MMP25: variants seen among roughly 807,000 people sequenced by gnomAD.
The protein encoded by MMP25 is matrix metallopeptidase 25, also known as matrix metalloproteinase-25.
Under a neutral mutation model 62.1 loss-of-function variants are expected in MMP25, and 68 were observed. That is an observed-to-expected ratio of 1.10 (90% confidence interval 0.90 to 1.34). The LOEUF (loss-of-function observed/expected upper bound fraction) is 1.34, where lower values mean the gene tolerates loss of function less well. Ranked by LOEUF, MMP25 falls within the 40% of genes most tolerant of loss-of-function variation. MMP25 has a pLI of 0.00. For missense variants in MMP25, 942 were observed against 792.5 expected (o/e 1.19, Z -2.26); for synonymous variants, 407 against 345.6 (o/e 1.18, Z -1.97).
chr16:3,050,124 G>T lies in MMP25; in HGVS notation c.348G>T (p.Lys116Asn). The change falls in exon 3 of 10, where the codon AAG (lysine) becomes AAT (asparagine). Residue 116 changes from lysine (K) to asparagine (N), a missense_variant. Physicochemically the swap from Lys to Asn is moderately conservative, Grantham distance 94 (BLOSUM62 0). Coordinates refer to ENST00000336577, the MANE Select transcript of MMP25 (RefSeq NM_022468.5). ...ACGCTCTGAGCGGCAGCGTGTGGAA[G>T]AAGCGAACCCTGACATGGAGGTAGG... ...RRYALSGSVW[K>N]KRTLTWRVRS... 1 of 1,607,614 alleles carries T rather than the reference G, an allele frequency of 6.2e-7. No homozygotes were observed. Among genetic ancestry groups the T allele is most frequent in the Non-Finnish European group, 8.5e-7 (1 of 1,175,778 alleles).
Position 3,046,957 on chromosome 16 carries a change from C to T in MMP25, c.40C>T (p.Leu14=). The T allele has an allele frequency of 6.8e-7, 1 of 1,473,106 alleles. No homozygotes were observed. The highest frequency in any genetic ancestry group is 8.9e-7 in the Non-Finnish European group (1 of 1,120,402). 91.3% of individuals were successfully genotyped at this position (1,473,106 alleles called of 1,614,324 possible). The change falls in exon 1 of 10, where the codon CTG becomes TTG. Residue 14 remains leucine (L), a synonymous_variant. Coordinates refer to ENST00000336577, the MANE Select transcript of MMP25 (RefSeq NM_022468.5). The stretch of plus-strand genomic sequence containing the variant: ...CCGGCTTCTGGCGCTGCTGCTTCTG[C>T]TGCTGGCACCGCCCGCGCGCGCCCC... ...RLRLLALLLL[L]LAPPARAPKP...
rs2151164721 is a variant in MMP25 at position 3,058,219 on chromosome 16, G to A, written c.1045G>A (p.Val349Met). 4 of 1,612,716 alleles carry A rather than the reference G, an allele frequency of 2.5e-6. No homozygotes were observed. The East Asian group carries it at 6.7e-5, about 27-fold the overall frequency. Residue 349 changes from valine (V) to methionine (M), a missense_variant, in exon 8 of 10, where the codon GTG becomes ATG. By Grantham distance (21) the Val-to-Met change is conservative (BLOSUM62 1). Coordinates refer to ENST00000336577, the MANE Select transcript of MMP25 (RefSeq NM_022468.5). ...FWRLQPSGQL[V>M]SPRPARLHRF... ...GCGCCTCCAGCCCTCCGGACAGCTG[G>A]TGTCCCCGCGACCCGCACGGCTGCA...
intron 2 of MMP25, 76 bp downstream of exon 2, chr16:3,047,623 G>C (rs555442413): frequency 6.6e-7 from 1 of 1,507,270 alleles, no homozygotes. Context: ...TTAGACCTCA[G>C]TGTGCTCCTG....
rs781130215 is a variant in MMP25 at position 3,050,251 on chromosome 16, C to T, written c.369-3C>T. 2 of 1,588,714 alleles carry T rather than the reference C, an allele frequency of 1.3e-6. No homozygotes were observed. The highest frequency in any genetic ancestry group is 2.3e-5 in the South Asian group (2 of 87,730). On this transcript the variant is annotated splice_region_variant and splice_polypyrimidine_tract_variant and intron_variant, in intron 3 of 9. Transcript: ENST00000336577. ...CCCTTACACCTCACTCCCCTCTCCC[C>T]AGGGTACGTTCCTTCCCCCAGAGCT...
chr16:3,050,039 C>A lies in MMP25; in HGVS notation c.263C>A (p.Pro88His). ...DPGTVATMRK[P>H]RCSLPDVLGV... ...GGGACAGTGGCCACCATGCGTAAGCCCCGCTGCTCCCTGCCTGACGTGCTG... is the reference window on the plus strand; with the variant it reads ...GGGACAGTGGCCACCATGCGTAAGCACCGCTGCTCCCTGCCTGACGTGCTG... The change falls in exon 3 of 10, where the codon CCC becomes CAC. Residue 88 changes from proline to histidine, a missense_variant. By Grantham distance (77) the Pro-to-His change is moderately conservative (BLOSUM62 -2). Coordinates refer to ENST00000336577, the MANE Select transcript of MMP25 (RefSeq NM_022468.5). 2 of 1,610,604 alleles carry A rather than the reference C, an allele frequency of 1.2e-6. No homozygotes were observed. The highest frequency in any genetic ancestry group is 1.7e-6 in the Non-Finnish European group (2 of 1,179,946).
In MMP25 at chr16:3,059,394, T is replaced by G. The variant is rs1956077613; in HGVS notation, c.*296T>G. On this transcript the variant is annotated 3_prime_UTR_variant, in exon 10 of 10. Transcript: ENST00000336577. ...GTCGGTCGTCGCCCCCGTCGTTCCC[T>G]CCCGGCTGCCGCCAGGGGGCGGTCG... The G allele has an allele frequency of 6.9e-6, 2 of 290,378 alleles. No homozygotes were observed. Among genetic ancestry groups the G allele is most frequent in the East Asian group, 5.6e-5 (1 of 17,996 alleles). 18.0% of individuals were successfully genotyped at this position (290,378 alleles called of 1,614,324 possible).
chr16:3,047,377 C>T (rs1290020113), intron 1 of MMP25, 38 bp from the exon 2 acceptor site: 2 of 1,588,296 alleles, frequency 1.3e-6, no homozygotes, highest in East Asian at 2.3e-5. Context: ...CCATACTTTT[C>T]ACCCAGCCCG....
chr16:3,057,248 C>T lies in MMP25; in HGVS notation c.838+39C>T, dbSNP rs370978432. 3.2e-4 allele frequency: 511 copies of T among 1,613,824 alleles called. 2 individuals are homozygous for T. Among genetic ancestry groups the T allele is most frequent in the Non-Finnish European group, 3.6e-4 (420 of 1,179,902 alleles). ...GACCTGCCGCGAAACCATCATTGCCCCATCCAGTGTCCTCTGCAGCAGGGC... is the reference window on the plus strand; with the variant it reads ...GACCTGCCGCGAAACCATCATTGCCTCATCCAGTGTCCTCTGCAGCAGGGC... On this transcript the variant is annotated intron_variant, in intron 5 of 9. Transcript: ENST00000336577.
At position 3,047,645 on chromosome 16, in the gene MMP25, T is replaced by C. The variant is rs1037230433; in HGVS notation, c.232+98T>C. The C allele has an allele frequency of 1.9e-5, 26 of 1,376,594 alleles. No homozygotes were observed. In the South Asian group the frequency reaches 3.2e-4, roughly 17 times the overall value. The allele number at this position is 1,376,594 out of a possible 1,614,324, so 85.3% of individuals were successfully genotyped here. ...TCAGTGTGCTCCTGGAACACGGAGC[T>C]GTGAAGATGCTGATCTCAGGCCCCA... On this transcript the variant is annotated intron_variant, in intron 2 of 9. Transcript: ENST00000336577.
chr16:3,048,805 A>ATT (rs558334268), intron 2 of MMP25, among the ~76,000 whole-genome samples: 174 of 140,174 alleles, frequency 1.2e-3, no homozygotes, highest in African/African-American at 3.8e-3. Flanking sequence ...ATGACTTGCA[A>ATT]TTTTTTTTTT....
In MMP25 at chr16:3,059,000, G is replaced by C. The variant is rs772562593; in HGVS notation, c.1591G>C (p.Asp531His). 3 of 1,556,468 alleles carry C rather than the reference G, an allele frequency of 1.9e-6. No individual in the cohort carries two copies. Among genetic ancestry groups the C allele is most frequent in the African/African-American group, 1.4e-5 (1 of 73,274 alleles). ...AGCGACCCCCGTGTCCGAAACCTGC[G>C]ATTGTCAGTGCGAGCTCAACCAGGC... ...PKATPVSETC[D>H]CQCELNQAAG... Residue 531 changes from aspartate to histidine, a missense_variant, in exon 10 of 10, where the codon GAT becomes CAT. Physicochemically the swap from Asp to His is moderately conservative, Grantham distance 81 (BLOSUM62 -1). Transcript: ENST00000336577.
intron 7 of MMP25, chr16:3,057,921 C>A: frequency 1.7e-6 from 1 of 575,144 alleles, no homozygotes; most frequent in Non-Finnish European, 3.0e-6. Context: ...CCAGGCTGGG[C>A]TCAATCTCCT....
rs773059268 is a variant in MMP25, at chr16:3,050,047, T to C, written c.271T>C (p.Ser91Pro). The C allele has an allele frequency of 1.9e-6, 3 of 1,610,898 alleles. No individual in the cohort carries two copies. The highest frequency in any genetic ancestry group is 2.2e-5 in the South Asian group (2 of 91,086). ...TVATMRKPRC[S>P]LPDVLGVAGL... ...GGCCACCATGCGTAAGCCCCGCTGC[T>C]CCCTGCCTGACGTGCTGGGGGTGGC... The change falls in exon 3 of 10, where the codon TCC becomes CCC. Residue 91 changes from serine to proline, a missense_variant. Ser to Pro is a moderately conservative substitution (Grantham distance 74). Transcript: ENST00000336577.
rs756482489 is a variant in MMP25 at position 3,050,020 on chromosome 16, G to C, written c.244G>C (p.Val82Leu). 8.1e-6 allele frequency: 13 copies of C among 1,609,698 alleles called. No individual in the cohort carries two copies. In the South Asian group the frequency reaches 1.3e-4, roughly 16 times the overall value. The change falls in exon 3 of 10, where the codon GTG (valine) becomes CTG (leucine). Residue 82 changes from valine (V) to leucine (L), a missense_variant. Coordinates refer to ENST00000336577, the MANE Select transcript of MMP25 (RefSeq NM_022468.5). The stretch of plus-strand genomic sequence containing the variant: ...AATGTCTCCCGCAGACCCAGGGACA[G>C]TGGCCACCATGCGTAAGCCCCGCTG... The part of the protein sequence containing the change: ...PETGRMDPGT[V>L]ATMRKPRCSL...
rs115904634 is a variant in MMP25, at chr16:3,049,503, G to A, written c.233-506G>A. Among the ~76,000 whole-genome samples, 1,512 of 152,316 alleles carry A rather than the reference G, an allele frequency of 9.9e-3. 25 individuals carry two copies. The highest frequency in any genetic ancestry group is 0.033 in the African/African-American group (1,355 of 41,558). On this transcript the variant is annotated intron_variant, in intron 2 of 9. Coordinates refer to ENST00000336577, the MANE Select transcript of MMP25 (RefSeq NM_022468.5). The stretch of plus-strand genomic sequence containing the variant: ...GCTACTGGGGATGGAGCCCAGCTGG[G>A]AAAGGGGACCCCAGAGAGACCTAAC...
intron 4 of MMP25, 178 bp from the exon 5 acceptor site, chr16:3,056,855 T>C: frequency 1.7e-6 from 1 of 593,262 alleles, no homozygotes; most frequent in Non-Finnish European, 2.9e-6. Context: ...CCATGCTGAC[T>C]GAGTGACTGG....
intron 4 of MMP25, chr16:3,055,621 C>G: frequency 1.5e-5 from 5 of 337,328 alleles, no homozygotes; most frequent in South Asian, 1.1e-4. Flanking sequence ...TGCTACCCCT[C>G]TTAGGTCTCA....
chr16:3,057,125 A>C lies in MMP25; in HGVS notation c.754A>C (p.Arg252=), dbSNP rs1956024295. 1 of 1,613,276 alleles carries C rather than the reference A, an allele frequency of 6.2e-7. No homozygotes were observed. Among genetic ancestry groups the C allele is most frequent in the African/African-American group, 1.3e-5 (1 of 74,936 alleles). The change falls in exon 5 of 10, where the codon AGG becomes CGG. Residue 252 remains arginine, a synonymous_variant. Coordinates refer to ENST00000336577, the MANE Select transcript of MMP25 (RefSeq NM_022468.5). ...CTCCTCAGCCCCCAACTCCATTATG[A>C]GGCCCTTCTACCAGGGTCCGGTGGG... ...GHSSAPNSIM[R]PFYQGPVGDP... is the part of the protein sequence containing the mutation.
chr16:3,052,282 A>C (rs1235046801), intron 4 of MMP25: 1 of 152,322 alleles, frequency 6.6e-6, no homozygotes, highest in Non-Finnish European at 1.5e-5. Flanking sequence ...AAGAGGAGCC[A>C]GTGACCAGAG....
Sources: allele counts gnomAD v4.1 joint callset (sites outside exome capture counted in the v4.1 genomes callset), GRCh38; gene constraint gnomAD v4.1.1; transcripts MANE v1.5; gene names NCBI Gene and HGNC (gene_info 2026-07-23, HGNC 2026-07-21).